Variants in ST6GALNAC5 observed in about 807,000 individuals in gnomAD.
ST6GALNAC5 encodes the protein alpha-N-acetylgalactosaminide alpha-2,6-sialyltransferase 5.
In ST6GALNAC5, 27 loss-of-function variants were observed where a neutral mutation model predicts 33.6. That is an observed-to-expected ratio of 0.80 (90% CI 0.59 to 1.11). The LOEUF (loss-of-function observed/expected upper bound fraction) is 1.11. Among genes scored for constraint, ST6GALNAC5 ranks in the 50% least tolerant of loss-of-function variants. The pLI, the probability that ST6GALNAC5 is intolerant of heterozygous loss-of-function variation, is 0.00. For synonymous variants in ST6GALNAC5, 194 were observed against 171.2 expected (o/e 1.13, Z -1.04); for missense variants, 428 against 454.0 (o/e 0.94, Z 0.52).
At chr1:77,022,438 A>T (rs892483473) in intron 2 of ST6GALNAC5, among the ~76,000 whole-genome samples, 1 of 152,224 alleles carries the variant, frequency 6.6e-6, no homozygotes, top group African/African-American at 2.4e-5. Flanking sequence ...ATTTGCTTAC[A>T]ACAATATTAG....
intron 2 of ST6GALNAC5, among the ~76,000 whole-genome samples, chr1:76,991,860 C>T (rs1233195705): frequency 6.6e-6 from 1 of 152,086 alleles, no homozygotes; most frequent in African/African-American, 2.4e-5. Flanking sequence ...CACACACACA[C>T]ACACAGACAC....
At chr1:76,950,017 G>C (rs1164847543) in intron 2 of ST6GALNAC5, among the ~76,000 whole-genome samples, 5 of 152,122 alleles carry the variant, frequency 3.3e-5, no homozygotes, top group African/African-American at 1.2e-4. Context: ...TTAGCATGAG[G>C]GGACTTGTCA....
At chr1:76,986,114 A>G (rs1353514307) in intron 2 of ST6GALNAC5, among the ~76,000 whole-genome samples, 1 of 152,240 alleles carries the variant, frequency 6.6e-6, no homozygotes, top group East Asian at 1.9e-4. Flanking sequence ...CTTCATGACT[A>G]AAACACCAAA....
chr1:76,927,610 A>G (rs1647098558), intron 2 of ST6GALNAC5, among the ~76,000 whole-genome samples: 1 of 152,134 alleles, frequency 6.6e-6, no homozygotes, highest in African/African-American at 2.4e-5. Context: ...ACTATAGCAC[A>G]TTCAATTTGT....
intron 2 of ST6GALNAC5, among the ~76,000 whole-genome samples, chr1:77,014,339 T>C (rs547263839): frequency 9.2e-5 from 14 of 152,328 alleles, no homozygotes; most frequent in Admixed American, 3.3e-4. Context: ...TTCAACTTTA[T>C]GCTGGCGGAT....
intron 2 of ST6GALNAC5, among the ~76,000 whole-genome samples, chr1:76,962,781 T>A (rs571797612): frequency 6.6e-6 from 1 of 152,338 alleles, no homozygotes; most frequent in Non-Finnish European, 1.5e-5. Flanking sequence ...ATATTCATTT[T>A]GCATTTTAAT....
chr1:77,051,484 C>T (rs1315184806), intron 4 of ST6GALNAC5, among the ~76,000 whole-genome samples: 1 of 152,138 alleles, frequency 6.6e-6, no homozygotes, highest in Non-Finnish European at 1.5e-5. Flanking sequence ...CTAGTATGAC[C>T]TTGAAGAAGT....
At chr1:77,023,025 C>T (rs535400668) in intron 2 of ST6GALNAC5, among the ~76,000 whole-genome samples, 1 of 152,176 alleles carries the variant, frequency 6.6e-6, no homozygotes, top group East Asian at 1.9e-4. Context: ...TTAGAGAGGC[C>T]CTAATTCAAT....
At chr1:77,061,617 A>G (rs1372264254) in intron 4 of ST6GALNAC5, among the ~76,000 whole-genome samples, 2 of 152,222 alleles carry the variant, frequency 1.3e-5, no homozygotes, top group Admixed American at 6.5e-5. Flanking sequence ...GTTGCTGAGC[A>G]TAGCTCAAAT....
intron 2 of ST6GALNAC5, among the ~76,000 whole-genome samples, chr1:76,941,208 C>T (rs1036324362): frequency 1.3e-5 from 2 of 152,088 alleles, no homozygotes; most frequent in Non-Finnish European, 2.9e-5. Flanking sequence ...TTTGTGCCTT[C>T]TTAAATACAC....
intron 2 of ST6GALNAC5, among the ~76,000 whole-genome samples, chr1:76,922,130 G>A (rs1041693270): frequency 6.6e-6 from 1 of 152,128 alleles, no homozygotes; most frequent in African/African-American, 2.4e-5. Flanking sequence ...TACAAAACAA[G>A]TACTGCTAGA....
intron 2 of ST6GALNAC5, among the ~76,000 whole-genome samples, chr1:76,921,019 G>A (rs563073784): frequency 5.9e-5 from 9 of 152,270 alleles, no homozygotes; most frequent in African/African-American, 1.7e-4. Context: ...CTACCTGCTT[G>A]AGAGATTTGG....
intron 2 of ST6GALNAC5, among the ~76,000 whole-genome samples, chr1:77,020,252 G>T (rs1237610034): frequency 1.3e-5 from 2 of 152,202 alleles, no homozygotes; most frequent in Non-Finnish European, 2.9e-5. Flanking sequence ...TGCCGAGAAT[G>T]TGGTTCTAAG....
intron 2 of ST6GALNAC5, among the ~76,000 whole-genome samples, chr1:76,915,407 G>A (rs557630607): frequency 4.6e-5 from 7 of 152,164 alleles, no homozygotes; most frequent in East Asian, 3.9e-4. Context: ...TGTTTATTGC[G>A]GCACTATTCA....
At chr1:76,953,687 T>C (rs1352887156) in intron 2 of ST6GALNAC5, among the ~76,000 whole-genome samples, 1 of 152,132 alleles carries the variant, frequency 6.6e-6, no homozygotes, top group African/African-American at 2.4e-5. Flanking sequence ...TGATAAATCA[T>C]ATATCAATTT....
chr1:76,984,655 A>G (rs1431545287), intron 2 of ST6GALNAC5, among the ~76,000 whole-genome samples: 1 of 152,340 alleles, frequency 6.6e-6, no homozygotes. Flanking sequence ...ATCCTCCCTA[A>G]CTCATTTTAT....
At chr1:76,974,970 A>G (rs1648946338) in intron 2 of ST6GALNAC5, among the ~76,000 whole-genome samples, 2 of 151,384 alleles carry the variant, frequency 1.3e-5, no homozygotes, top group African/African-American at 4.9e-5. Context: ...TATTTTTAGT[A>G]GAAACGGGGT....
chr1:77,045,127 G>C (rs1171394057), intron 3 of ST6GALNAC5, among the ~76,000 whole-genome samples: 2 of 152,174 alleles, frequency 1.3e-5, no homozygotes, highest in African/African-American at 4.8e-5. Context: ...GGTCTTGAGA[G>C]GGAAGAAAAT....
intron 2 of ST6GALNAC5, among the ~76,000 whole-genome samples, chr1:76,928,663 A>C (rs540353977): frequency 6.6e-6 from 1 of 152,206 alleles, no homozygotes; most frequent in South Asian, 2.1e-4. Flanking sequence ...TATTTTGCAA[A>C]TGGGCATGTC....
Sources: gnomAD v4.1 joint callset for allele counts (sites outside exome capture counted in the v4.1 genomes callset) on GRCh38, gnomAD v4.1.1 for gene constraint, MANE v1.5 for transcripts, NCBI Gene and HGNC (gene_info 2026-07-23, HGNC 2026-07-21) for gene names.